Variants in ADGRL4 observed in about 807,000 individuals in gnomAD.
ADGRL4 encodes the protein adhesion G protein-coupled receptor L4, also known as EGF, latrophilin and seven transmembrane domain containing 1.
In ADGRL4, 90 loss-of-function variants were observed where a neutral mutation model predicts 74.8. The observed-to-expected ratio is 1.20, with a 90% CI of 1.02 to 1.43. The LOEUF (loss-of-function observed/expected upper bound fraction) is 1.43. ADGRL4 is among the 40% of genes most tolerant of loss of function. ADGRL4 has a pLI of 0.00. For missense variants in ADGRL4, 881 were observed against 814.3 expected (o/e 1.08, Z -1.00); for synonymous variants, 311 against 279.2 (o/e 1.11, Z -1.14).
intron 3 of ADGRL4, among the ~76,000 whole-genome samples, chr1:78,942,213 C>G (rs1391022754): frequency 2.1e-5 from 3 of 146,110 alleles, no homozygotes; most frequent in Non-Finnish European, 3.0e-5. Context: ...ACCTTCTAAT[C>G]CAAAAGAGTT....
At position 78,937,936 on chromosome 1, in the gene ADGRL4, C is replaced by G; in HGVS notation, c.631G>C (p.Asp211His). 6.2e-7 allele frequency: 1 copy of G among 1,613,790 alleles called. No homozygotes were observed. The highest frequency in any genetic ancestry group is 8.5e-7 in the Non-Finnish European group (1 of 1,179,896). Residue 211 changes from aspartate to histidine, a missense_variant, in exon 6 of 15, where the codon GAC becomes CAC. Asp to His is a moderately conservative substitution (Grantham distance 81). Transcript: ENST00000370742. ...FVQRDTFVVWDKLSVNHRRTH... is the reference protein window; with the variant it reads ...FVQRDTFVVWHKLSVNHRRTH... The stretch of plus-strand genomic sequence containing the variant: ...CTCCTATGATTCACAGATAACTTGT[C>G]CCAAACTACAAATGTATCCCTTTGA...
At chr1:78,920,727 A>T (rs1648979873) in intron 9 of ADGRL4, among the ~76,000 whole-genome samples, 2 of 151,888 alleles carry the variant, frequency 1.3e-5, no homozygotes, top group South Asian at 4.1e-4. Flanking sequence ...GAACATGGTT[A>T]ATTAAAACAG....
intron 2 of ADGRL4, among the ~76,000 whole-genome samples, chr1:78,982,437 G>GA (rs1372712365): frequency 6.6e-6 from 1 of 151,842 alleles, no homozygotes; most frequent in Non-Finnish European, 1.5e-5. Flanking sequence ...TCACAAAAGA[G>GA]AAAAAGTACA....
chr1:79,002,951 T>C (rs1053955756), intron 2 of ADGRL4, among the ~76,000 whole-genome samples: 3 of 152,086 alleles, frequency 2.0e-5, no homozygotes, highest in African/African-American at 7.2e-5. Context: ...TTTAGTGAGG[T>C]TGGGTTATTA....
intron 12 of ADGRL4, among the ~76,000 whole-genome samples, chr1:78,905,322 CTA>C (rs912085738): frequency 6.6e-6 from 1 of 151,830 alleles, no homozygotes; most frequent in Non-Finnish European, 1.5e-5. Flanking sequence ...AAAGAAATAA[CTA>C]TATTGCAAAG....
At chr1:78,955,332 C>T (rs1649806092) in intron 2 of ADGRL4, among the ~76,000 whole-genome samples, 1 of 152,044 alleles carries the variant, frequency 6.6e-6, no homozygotes, top group Non-Finnish European at 1.5e-5. Context: ...TCAACTATTG[C>T]CTCTCACTGA....
At chr1:78,976,609 A>C (rs1557518364) in intron 2 of ADGRL4, among the ~76,000 whole-genome samples, 1 of 151,668 alleles carries the variant, frequency 6.6e-6, no homozygotes, top group Non-Finnish European at 1.5e-5. Flanking sequence ...AAGACCTTTG[A>C]TTGTGTATGG....
intron 2 of ADGRL4, among the ~76,000 whole-genome samples, chr1:78,952,024 A>G (rs569515380): frequency 6.6e-6 from 1 of 152,286 alleles, no homozygotes; most frequent in South Asian, 2.1e-4. Context: ...AAGAATCTCA[A>G]CAAGATTTTA....
intron 12 of ADGRL4, among the ~76,000 whole-genome samples, chr1:78,910,713 C>G (rs539629122): frequency 6.6e-6 from 1 of 151,910 alleles, no homozygotes; most frequent in Non-Finnish European, 1.5e-5. Context: ...TGGAAATTAT[C>G]TTCAGTTTGC....
At chr1:78,917,380 T>C (rs975569574) in intron 12 of ADGRL4, among the ~76,000 whole-genome samples, 2 of 150,452 alleles carry the variant, frequency 1.3e-5, no homozygotes, top group African/African-American at 4.9e-5. Flanking sequence ...CTATACATGA[T>C]TTTTTTTATA....
Position 78,936,352 on chromosome 1 carries a change from T to C in ADGRL4, c.820A>G (p.Met274Val), listed in dbSNP as rs760581251. ...NMKHIHPHMN[M>V]DGDYINIFPK... ...AATATATTTATGTAGTCTCCATCCA[T>C]ATTCATATGAGGATGAATATGTTTC... is the stretch of plus-strand genomic sequence containing the variant. The change falls in exon 7 of 15, where the codon ATG becomes GTG. Residue 274 changes from methionine (M) to valine (V), a missense_variant. By Grantham distance (21) the Met-to-Val change is conservative. Transcript: ENST00000370742. 2 of 1,591,084 alleles carry C rather than the reference T, an allele frequency of 1.3e-6. No individual in the cohort carries two copies. Among genetic ancestry groups the C allele is most frequent in the South Asian group, 1.2e-5 (1 of 86,714 alleles).
rs1189719708 is a variant in ADGRL4 at position 78,946,296 on chromosome 1, A to T, written c.303T>A (p.Thr101=). 7.4e-6 allele frequency: 12 copies of T among 1,612,050 alleles called. No homozygotes were observed. The highest frequency in any genetic ancestry group is 1.3e-5 in the African/African-American group (1 of 74,828). ...RSSSNQDRFI[T]NDGTVCIENV... is the part of the protein sequence containing the mutation. ...TACCTATACAGACGGTTCCATCATT[A>T]GTGATAAACCTGTCTTGGTTACTGC... is the stretch of plus-strand genomic sequence containing the variant. The change falls in exon 3 of 15, where the codon ACT becomes ACA. Residue 101 remains threonine (T), a synonymous_variant. Transcript: ENST00000370742.
chr1:78,957,061 A>T (rs773095896), intron 2 of ADGRL4, among the ~76,000 whole-genome samples: 1 of 152,110 alleles, frequency 6.6e-6, no homozygotes, highest in Non-Finnish European at 1.5e-5. Context: ...TGATATTATG[A>T]TTGTAATTGT....
chr1:78,903,273 C>A (rs918018581), intron 12 of ADGRL4, among the ~76,000 whole-genome samples: 1 of 152,036 alleles, frequency 6.6e-6, no homozygotes, highest in Non-Finnish European at 1.5e-5. Context: ...TAAAGTAATC[C>A]TAATGAAATG....
intron 2 of ADGRL4, among the ~76,000 whole-genome samples, chr1:78,963,155 G>A (rs1223857167): frequency 6.6e-6 from 1 of 152,194 alleles, no homozygotes; most frequent in Non-Finnish European, 1.5e-5. Context: ...GACCACAGGA[G>A]TAAGCTTTCT....
intron 12 of ADGRL4, among the ~76,000 whole-genome samples, chr1:78,899,027 T>C (rs1648459973): frequency 6.6e-6 from 1 of 152,170 alleles, no homozygotes; most frequent in Admixed American, 6.6e-5. Context: ...TTTCTTTTCA[T>C]AGTCTTTTTC....
Position 78,937,865 on chromosome 1 carries a change from T to TG in ADGRL4, c.701_702insC (p.Leu234PhefsTer14). The TG allele has an allele frequency of 1.2e-6, 2 of 1,614,002 alleles. No homozygotes were observed. Among genetic ancestry groups the TG allele is most frequent in the Non-Finnish European group, 1.7e-6 (2 of 1,179,920 alleles). ...TCTTTTGGAAGCTCTGGGATATCCT[T>TG]AAAGTAGCTTGTTCAACAGTGTGCA... On this transcript the variant is annotated frameshift_variant, in exon 6 of 15. Coordinates refer to ENST00000370742, the MANE Select transcript of ADGRL4 (RefSeq NM_022159.4). LOFTEE classifies it high-confidence loss of function.
At chr1:79,002,513 G>A (rs1032651354) in intron 2 of ADGRL4, among the ~76,000 whole-genome samples, 2 of 152,078 alleles carry the variant, frequency 1.3e-5, no homozygotes, top group African/African-American at 4.8e-5. Context: ...TAAGGGCCTA[G>A]ACTTTATTCT....
chr1:78,931,465 C>T (rs768703396), intron 7 of ADGRL4, among the ~76,000 whole-genome samples: 16 of 151,350 alleles, frequency 1.1e-4, no homozygotes, highest in Non-Finnish European at 2.2e-4. Flanking sequence ...TGGTTCCAGA[C>T]ACTGCAAAAG....
Sources: gnomAD v4.1 joint callset for allele counts (sites outside exome capture counted in the v4.1 genomes callset) on GRCh38, gnomAD v4.1.1 for gene constraint, MANE v1.5 for transcripts, NCBI Gene and HGNC (gene_info 2026-07-23, HGNC 2026-07-21) for gene names.